The following PATJ variants were observed in gnomAD, a reference collection of about 807,000 sequenced individuals.
PATJ encodes inaD-like protein.
A neutral mutation model predicts 224.9 loss-of-function variants in PATJ; 190 were observed. The ratio of observed to expected loss-of-function variants is 0.84; its 90% CI spans 0.75 to 0.95. PATJ has a LOEUF of 0.95. Ranked by LOEUF, PATJ falls within the 40% of genes least tolerant of loss-of-function variation. The pLI is 0.00. For synonymous variants in PATJ, 769 were observed against 820.3 expected (o/e 0.94, Z 1.07); for missense variants, 2,121 against 2,270.3 (o/e 0.93, Z 1.34).
intron 27 of PATJ, among the ~76,000 whole-genome samples, chr1:61,964,869 T>C (rs1417161209): frequency 6.6e-6 from 1 of 151,738 alleles, no homozygotes; most frequent in African/African-American, 2.4e-5. Context: ...CCCAGCACTT[T>C]GGGAGGCTGA....
Position 62,032,875 on chromosome 1 carries a change from A to G in PATJ, c.3960-5102A>G, listed in dbSNP as rs532868307. ...AACTTATAATCACGGCGCAAGGGGA[A>G]GCAAAGCACCTTCTTCACAAGGCAG... On this transcript the variant is annotated intron_variant, in intron 29 of 43. Coordinates refer to ENST00000642238, the MANE Select transcript of PATJ (RefSeq NM_001350145.3). 3.3e-5 allele frequency among the ~76,000 whole-genome samples: 5 copies of G among 152,314 alleles called. No homozygotes were observed. In the South Asian group the frequency reaches 1.0e-3, roughly 32 times the overall value.
chr1:61,778,993 C>CTGGCGAATAT (rs1450645726), intron 7 of PATJ, among the ~76,000 whole-genome samples: 1 of 152,154 alleles, frequency 6.6e-6, no homozygotes, highest in Non-Finnish European at 1.5e-5. Flanking sequence ...GCCATCAAGC[C>CTGGCGAATAT]TGGCGAATAT....
At chr1:61,823,396 T>G (rs1317327126) in intron 15 of PATJ, among the ~76,000 whole-genome samples, 2 of 152,220 alleles carry the variant, frequency 1.3e-5, no homozygotes, top group Non-Finnish European at 2.9e-5. Flanking sequence ...CCACATTTAT[T>G]TGCAGGTTTT....
intron 27 of PATJ, among the ~76,000 whole-genome samples, chr1:61,930,975 T>A (rs552140225): frequency 9.4e-4 from 143 of 152,318 alleles, no homozygotes; most frequent in African/African-American, 3.3e-3. Flanking sequence ...AGTGCTGGGA[T>A]TATGGGCATG....
In PATJ at chr1:61,769,250, C is replaced by A. The variant is rs1344606260; in HGVS notation, c.385-33C>A. 1.5e-5 allele frequency: 24 copies of A among 1,591,792 alleles called. No individual in the cohort carries two copies. In the East Asian group the frequency reaches 5.2e-4, roughly 34 times the overall value. ...CAGAGTATGTTGGCTAAATGTACACCATTGACTTTTTTTTTTAACGCTCCT... is the reference window on the plus strand; with the variant it reads ...CAGAGTATGTTGGCTAAATGTACACAATTGACTTTTTTTTTTAACGCTCCT... On this transcript the variant is annotated intron_variant, in intron 4 of 43. Coordinates refer to ENST00000642238, the MANE Select transcript of PATJ (RefSeq NM_001350145.3).
intron 33 of PATJ, among the ~76,000 whole-genome samples, chr1:62,096,796 T>C (rs1661447555): frequency 6.6e-6 from 1 of 152,126 alleles, no homozygotes; most frequent in Non-Finnish European, 1.5e-5. Context: ...TTTGTATTTT[T>C]AGTACAGACG....
intron 26 of PATJ, among the ~76,000 whole-genome samples, chr1:61,917,748 G>C (rs1673648272): frequency 6.6e-6 from 1 of 151,998 alleles, no homozygotes; most frequent in Admixed American, 6.6e-5. Flanking sequence ...TTCTCTGAGA[G>C]TTTGTATAAA....
intron 28 of PATJ, among the ~76,000 whole-genome samples, chr1:61,999,529 A>G (rs1020875000): frequency 1.3e-5 from 2 of 152,064 alleles, no homozygotes; most frequent in African/African-American, 4.8e-5. Flanking sequence ...TTAGCCAAAA[A>G]TGGTGGTACA....
At chr1:62,003,345 T>C (rs2886448) in intron 28 of PATJ, among the ~76,000 whole-genome samples, 27,837 of 152,238 alleles carry the variant, frequency 0.18, 2,714 homozygotes, top group Non-Finnish European at 0.21. Flanking sequence ...AAGGATATCT[T>C]ACTCTTTTCC....
At chr1:61,796,085 A>G (rs1651034398) in intron 10 of PATJ, among the ~76,000 whole-genome samples, 2 of 152,210 alleles carry the variant, frequency 1.3e-5, no homozygotes, top group Non-Finnish European at 2.9e-5. Context: ...ATTAATGTCT[A>G]TACATATGTA....
rs1192837567 is a variant in PATJ, at chr1:62,162,990, A to ATAGAAG, written c.*1940_*1945dup. 8.5e-6 allele frequency: 3 copies of ATAGAAG among 351,290 alleles called. No individual in the cohort carries two copies. In the Admixed American group the frequency reaches 1.1e-4, roughly 13 times the overall value. 21.8% of individuals were successfully genotyped at this position (351,290 alleles called of 1,614,324 possible). A position where few individuals can be genotyped will look rare whatever the true frequency, so the allele number is the denominator to read the frequency against. ...TGAAGGATGAGTACTAGAGTCAGTA[A>ATAGAAG]TAGAAGTAGTTCAGCATTATTTAAC... On this transcript the variant is annotated 3_prime_UTR_variant, in exon 44 of 44. Transcript: ENST00000642238.
intron 41 of PATJ, among the ~76,000 whole-genome samples, chr1:62,137,195 C>CTAAG (rs1553277567): frequency 6.6e-6 from 1 of 151,380 alleles, no homozygotes; most frequent in Non-Finnish European, 1.5e-5. Flanking sequence ...TCCTTTTACC[C>CTAAG]TAAGTTATTA....
chr1:61,746,046 G>T (rs1388995726), intron 1 of PATJ, among the ~76,000 whole-genome samples: 1 of 151,840 alleles, frequency 6.6e-6, no homozygotes, highest in Non-Finnish European at 1.5e-5. Context: ...TCAAGCGATT[G>T]TCCTGGCTCA....
chr1:62,152,289 G>A (rs944461415), intron 42 of PATJ, among the ~76,000 whole-genome samples: 7 of 152,152 alleles, frequency 4.6e-5, no homozygotes, highest in Non-Finnish European at 7.4e-5. Context: ...AGGCAGGAGA[G>A]CCTCACATTG....
At chr1:61,979,172 A>G (rs964025606) in intron 27 of PATJ, among the ~76,000 whole-genome samples, 3 of 152,106 alleles carry the variant, frequency 2.0e-5, no homozygotes, top group African/African-American at 7.3e-5. Flanking sequence ...ATACTGGAAT[A>G]AAGCCTGGTG....
chr1:62,072,570 GTA>G (rs1003714192), intron 31 of PATJ: 4 of 151,686 alleles, frequency 2.6e-5, no homozygotes, highest in African/African-American at 9.7e-5. Flanking sequence ...ACTAAGTTCG[GTA>G]TCGATATGGT....
At chr1:61,999,196 C>T (rs1399964592) in intron 28 of PATJ, among the ~76,000 whole-genome samples, 8 of 152,252 alleles carry the variant, frequency 5.3e-5, no homozygotes, top group African/African-American at 1.9e-4. Flanking sequence ...CGATTTTCCC[C>T]CATGTCTTCC....
At chr1:62,133,806 G>A (rs1244889613) in intron 41 of PATJ, among the ~76,000 whole-genome samples, 1 of 150,518 alleles carries the variant, frequency 6.6e-6, no homozygotes, top group African/African-American at 2.4e-5. Context: ...GAGTGCAGTG[G>A]CACAATCTCG....
intron 28 of PATJ, among the ~76,000 whole-genome samples, chr1:62,003,004 G>C (rs78106150): frequency 4.6e-5 from 7 of 152,222 alleles, no homozygotes; most frequent in African/African-American, 7.2e-5. Context: ...ATAAATTCCC[G>C]GTCATTGGTC....
Sources: allele counts gnomAD v4.1 joint callset (sites outside exome capture counted in the v4.1 genomes callset), GRCh38; gene constraint gnomAD v4.1.1; transcripts MANE v1.5; gene names NCBI Gene and HGNC (gene_info 2026-07-23, HGNC 2026-07-21).